The following CORO1C variants were observed in gnomAD, a reference collection of about 807,000 sequenced individuals.
CORO1C encodes coronin 1C.
CORO1C carries 14 observed loss-of-function variants against 51.2 expected under a neutral mutation model. The observed-to-expected ratio is 0.27, with a 90% CI of 0.18 to 0.43. The LOEUF (loss-of-function observed/expected upper bound fraction) is 0.43, where lower values mean the gene tolerates loss of function less well. CORO1C is among the 20% of genes least tolerant of loss of function. The pLI, the probability that CORO1C is intolerant of heterozygous loss-of-function variation, is 1.00. For synonymous variants in CORO1C, 181 were observed against 210.5 expected (o/e 0.86, Z 1.21); for missense variants, 417 against 607.8 (o/e 0.69, Z 3.30).
At chr12:108,694,276 T>C (rs1183790200) in intron 2 of CORO1C, among the ~76,000 whole-genome samples, 2 of 83,548 alleles carry the variant, frequency 2.4e-5, no homozygotes, top group Non-Finnish European at 4.2e-5. Flanking sequence ...AGCAAGACTG[T>C]CTCAAAAAAA....
intron 7 of CORO1C, 82 bp downstream of exon 7, chr12:108,654,224 A>G: frequency 1.1e-6 from 1 of 890,924 alleles, no homozygotes; most frequent in South Asian, 1.4e-5. Context: ...CAGATACAAC[A>G]CATTGCCCGT....
intron 9 of CORO1C, 37 bp downstream of exon 9, chr12:108,648,926 T>C: frequency 6.2e-7 from 1 of 1,611,254 alleles, no homozygotes; most frequent in East Asian, 2.2e-5. Context: ...TTTACATTTG[T>C]TTAAAATATG....
Position 108,706,186 on chromosome 12 carries a change from C to CAAAAA in CORO1C, c.-5-4868_-5-4864dup, listed in dbSNP as rs368147183. On this transcript the variant is annotated intron_variant, in intron 1 of 10. Transcript: ENST00000261401. The stretch of plus-strand genomic sequence containing the variant: ...TGGGCAACAGAGTGAGACTCTGAAT[C>CAAAAA]AAAAAAAAACAAAAAAAACAAAAAA... Among the ~76,000 whole-genome samples, 9 of 118,576 alleles carry CAAAAA rather than the reference C, an allele frequency of 7.6e-5. No individual in the cohort carries two copies. The East Asian group carries it at 1.1e-3, about 14-fold the overall frequency. 77.8% of individuals were successfully genotyped at this position (118,576 alleles called of 152,430 possible). A position where few individuals can be genotyped will look rare whatever the true frequency, so the allele number is the denominator to read the frequency against.
At chr12:108,655,641 C>T (rs899813636) in intron 6 of CORO1C, among the ~76,000 whole-genome samples, 1 of 152,238 alleles carries the variant, frequency 6.6e-6, no homozygotes, top group Non-Finnish European at 1.5e-5. Context: ...CTCGGCCTCC[C>T]GAGGTGCCGG....
chr12:108,669,673 T>TA (rs34827230), intron 3 of CORO1C, among the ~76,000 whole-genome samples: 42,528 of 80,126 alleles, frequency 0.53, 9,621 homozygotes, highest in East Asian at 0.67. Context: ...GCTTTTCCGT[T>TA]AAAAAAAAAA....
intron 3 of CORO1C, among the ~76,000 whole-genome samples, chr12:108,662,576 CT>C (rs1403340959): frequency 6.6e-6 from 1 of 152,002 alleles, no homozygotes; most frequent in East Asian, 1.9e-4. Flanking sequence ...GGATTTTATT[CT>C]AAATTCCTTG....
intron 2 of CORO1C, among the ~76,000 whole-genome samples, chr12:108,700,663 G>T (rs2034837936): frequency 6.6e-6 from 1 of 151,360 alleles, no homozygotes; most frequent in African/African-American, 2.4e-5. Context: ...AAAAAAAAAG[G>T]AAATTAAGAA....
intron 1 of CORO1C, among the ~76,000 whole-genome samples, chr12:108,706,186 C>CAAAAAAAAA (rs368147183): frequency 4.2e-5 from 5 of 118,572 alleles, no homozygotes; most frequent in Non-Finnish European, 8.7e-5. Flanking sequence ...GACTCTGAAT[C>CAAAAAAAAA]AAAAAAAAAC....
chr12:108,660,848 T>G (rs541585569), intron 4 of CORO1C, among the ~76,000 whole-genome samples: 1 of 152,170 alleles, frequency 6.6e-6, no homozygotes. Flanking sequence ...ATAAAAAACA[T>G]GGCATCTTTT....
At chr12:108,687,605 T>C (rs2034341882) in intron 2 of CORO1C, among the ~76,000 whole-genome samples, 1 of 151,950 alleles carries the variant, frequency 6.6e-6, no homozygotes, top group Admixed American at 6.6e-5. Flanking sequence ...GCCAACATGA[T>C]GAAACTCCAT....
At position 108,645,915 on chromosome 12, in the gene CORO1C, G is replaced by A. The variant is rs530163017; in HGVS notation, c.*1488C>T. On this transcript the variant is annotated 3_prime_UTR_variant, in exon 11 of 11. Coordinates refer to ENST00000261401, the MANE Select transcript of CORO1C (RefSeq NM_014325.4). ...GCATGCACTATAAGAAACTGGAAAC[G>A]GGGCAAAGTTCCAGCTAACCGAGGA... is the stretch of plus-strand genomic sequence containing the variant. The A allele has an allele frequency of 6.6e-6, 1 of 152,350 alleles. No homozygotes were observed. The highest frequency in any genetic ancestry group is 1.5e-5 in the Non-Finnish European group (1 of 68,038). 9.4% of individuals were successfully genotyped at this position (152,350 alleles called of 1,614,324 possible). A position where few individuals can be genotyped will look rare whatever the true frequency, so the allele number is the denominator to read the frequency against.
intron 4 of CORO1C, among the ~76,000 whole-genome samples, chr12:108,660,118 G>A (rs565963000): frequency 9.9e-5 from 15 of 152,214 alleles, no homozygotes; most frequent in Non-Finnish European, 1.3e-4. Context: ...AGAAAAAATA[G>A]TCACTAACAT....
intron 3 of CORO1C, 151 bp downstream of exon 3, chr12:108,678,121 T>A: frequency 1.7e-6 from 1 of 573,380 alleles, no homozygotes; most frequent in Non-Finnish European, 2.8e-6. Flanking sequence ...TTAAACGTAG[T>A]AAATTATTGT....
At chr12:108,718,479 T>C (rs1592950053) in intron 1 of CORO1C, among the ~76,000 whole-genome samples, 1 of 151,120 alleles carries the variant, frequency 6.6e-6, no homozygotes, top group Non-Finnish European at 1.5e-5. Flanking sequence ...GAGGCAGAGG[T>C]TGCAGTGAGC....
intron 2 of CORO1C, among the ~76,000 whole-genome samples, chr12:108,685,938 C>T (rs188666240): frequency 5.9e-5 from 9 of 152,270 alleles, no homozygotes; most frequent in African/African-American, 1.9e-4. Flanking sequence ...GGGCTTACAC[C>T]TCTAAGTATC....
intron 1 of CORO1C, among the ~76,000 whole-genome samples, chr12:108,719,619 G>A (rs1020761270): frequency 2.0e-5 from 3 of 152,144 alleles, no homozygotes; most frequent in African/African-American, 7.2e-5. Context: ...GATTTCTCTG[G>A]TGCTGGGCAG....
intron 3 of CORO1C, among the ~76,000 whole-genome samples, chr12:108,672,837 C>A (rs1336623551): frequency 6.6e-6 from 1 of 152,122 alleles, no homozygotes; most frequent in Non-Finnish European, 1.5e-5. Flanking sequence ...GATGTTACTA[C>A]TGTAATTGTT....
chr12:108,715,667 T>TGCAGAACCATATAAAAGCGCCTGA (rs11274706), intron 1 of CORO1C, among the ~76,000 whole-genome samples: 1 of 123,630 alleles, frequency 8.1e-6, no homozygotes, highest in Non-Finnish European at 1.7e-5. Flanking sequence ...CTCACAACAC[T>TGCAGAACCATATAAAAGCGCCTGA]GGCAGCAGCC....
chr12:108,691,809 G>A (rs543205412), intron 2 of CORO1C, among the ~76,000 whole-genome samples: 4 of 152,260 alleles, frequency 2.6e-5, no homozygotes, highest in Non-Finnish European at 5.9e-5. Flanking sequence ...CCAAGGAAAC[G>A]CACAAAGGCT....
Sources: gnomAD v4.1 joint callset for allele counts (sites outside exome capture counted in the v4.1 genomes callset) on GRCh38, gnomAD v4.1.1 for gene constraint, MANE v1.5 for transcripts, NCBI Gene and HGNC (gene_info 2026-07-23, HGNC 2026-07-21) for gene names.